PLAGL1: variants seen among roughly 807,000 people sequenced by gnomAD.
PLAGL1 encodes zinc finger protein PLAGL1.
In PLAGL1, 1 loss-of-function variant was observed where a neutral mutation model predicts 4.6. That is an observed-to-expected ratio of 0.22 (90% CI 0.08 to 1.03). The LOEUF is 1.03. PLAGL1 is among the 50% of genes least tolerant of loss of function. The pLI, the probability that PLAGL1 is intolerant of heterozygous loss-of-function variation, is 0.58. For missense variants in PLAGL1, 464 were observed against 570.4 expected, an observed-to-expected ratio of 0.81 and a Z score of 1.90; for synonymous variants, 240 against 237.8, an observed-to-expected ratio of 1.01 and a Z score of -0.08.
intron 1 of PLAGL1, among the ~76,000 whole-genome samples, chr6:143,998,652 G>A (rs1225749045): frequency 3.3e-5 from 5 of 152,120 alleles, no homozygotes; most frequent in East Asian, 1.9e-4. Flanking sequence ...GATTGGTGAC[G>A]AAAGGTAAGA....
rs565259190 is a variant in PLAGL1, at chr6:144,053,316, G to A, written c.-151+11152C>T. Among the ~76,000 whole-genome samples, 16 of 152,274 alleles carry A rather than the reference G, an allele frequency of 1.1e-4. No homozygotes were observed. The South Asian group carries it at 3.1e-3, about 30-fold the overall frequency. On this transcript the variant is annotated intron_variant, in intron 1 of 3. Transcript: ENST00000437412. This position sits in a 1 kb window ranked among gnomAD's most constrained non-coding sequence, Gnocchi z 4.0. The stretch of plus-strand genomic sequence containing the variant: ...TGCCGAGCTAATTTTTGTATTTTTA[G>A]TGGAGACAGGGTTTCACCATGTTAG...
Position 144,053,045 on chromosome 6 carries a change from T to G in PLAGL1, c.-151+11423A>C, listed in dbSNP as rs1798693436. ...TTAGCACCAATACTTGTAAATGCTT[T>G]GATAAACAAGGATGAAATTATTTAT... On this transcript the variant is annotated intron_variant, in intron 1 of 3. Coordinates refer to the PLAGL1 transcript ENST00000437412. This position sits in a 1 kb window ranked among gnomAD's most constrained non-coding sequence, Gnocchi z 4.0. Among the ~76,000 whole-genome samples, 1 of 152,236 alleles carries G rather than the reference T, an allele frequency of 6.6e-6. No homozygotes were observed. Among genetic ancestry groups the G allele is most frequent in the African/African-American group, 2.4e-5 (1 of 41,464 alleles).
chr6:143,953,091 C>G lies in PLAGL1; in HGVS notation c.-324-4631G>C, dbSNP rs17073256. Among the ~76,000 whole-genome samples, 1,451 of 152,312 alleles carry G rather than the reference C, an allele frequency of 9.5e-3. 18 individuals are homozygous for G. Among genetic ancestry groups the G allele is most frequent in the African/African-American group, 0.033 (1,374 of 41,560 alleles). On this transcript the variant is annotated intron_variant, in intron 6 of 7. Coordinates refer to ENST00000674357, the MANE Select transcript of PLAGL1 (RefSeq NM_001317162.2). This position sits in a 1 kb window ranked among gnomAD's most constrained non-coding sequence, Gnocchi z 5.3. ...CTGGCTTTCTCCCTCCTGGAATGTC[C>G]TGGGAACCCTTGTCTACCTGGCAAA...
chr6:143,942,040 T>A lies in PLAGL1; in HGVS notation c.776A>T (p.Glu259Val). 1 of 1,606,614 alleles carries A rather than the reference T, an allele frequency of 6.2e-7. No individual in the cohort carries two copies. Among genetic ancestry groups the A allele is most frequent in the Non-Finnish European group, 8.5e-7 (1 of 1,176,278 alleles). ...QNGLASSLPAEVHSLTLSPPE... is the reference protein window; with the variant it reads ...QNGLASSLPAVVHSLTLSPPE... The stretch of plus-strand genomic sequence containing the variant: ...GGGACTGAGGGTGAGGCTATGGACC[T>A]CAGCTGGCAAGCTACTTGCAAGCCC... The change falls in exon 8 of 8, where the codon GAG becomes GTG. Residue 259 changes from glutamate to valine, a missense_variant. By Grantham distance (121) the Glu-to-Val change is moderately radical. This residue lies in a region of PLAGL1 where 248 missense variants were observed against 250.1 expected (regional missense o/e 0.99). Transcript: ENST00000674357. The surrounding 1 kb of genome is among the most constrained non-coding windows in gnomAD (Gnocchi z 7.6).
At chr6:144,029,198 A>T (rs1796607157) in intron 1 of PLAGL1, among the ~76,000 whole-genome samples, 1 of 152,248 alleles carries the variant, frequency 6.6e-6, no homozygotes, top group African/African-American at 2.4e-5. Flanking sequence ...ACATCTTTAC[A>T]TATAAATCTT....
Position 143,973,364 on chromosome 6 carries a change from C to T in PLAGL1, c.-543-4386G>A, listed in dbSNP as rs145504849. On this transcript the variant is annotated intron_variant, in intron 2 of 7. Transcript: ENST00000674357. This position sits in a 1 kb window ranked among gnomAD's most constrained non-coding sequence, Gnocchi z 6.2. ...CCTCATGGTTTAATTCAAATTCATC[C>T]GTTTCCTACATTCCAGTGACAGTTC... Among the ~76,000 whole-genome samples, 3 of 152,284 alleles carry T rather than the reference C, an allele frequency of 2.0e-5. No individual in the cohort carries two copies. Among genetic ancestry groups the T allele is most frequent in the East Asian group, 3.9e-4 (2 of 5,178 alleles).
rs1251845496 is a variant in PLAGL1 at position 144,055,624 on chromosome 6, C to T, written c.-151+8844G>A. Reference sequence around the variant, plus strand: ...CTGGTCCATCTCTGCTCTGCCCCAACCCTGACCTTCACTTTCATCCTTAGC... The same window carrying T: ...CTGGTCCATCTCTGCTCTGCCCCAATCCTGACCTTCACTTTCATCCTTAGC... On this transcript the variant is annotated intron_variant, in intron 1 of 3. Coordinates refer to the PLAGL1 transcript ENST00000437412. The surrounding 1 kb of genome is among the most constrained non-coding windows in gnomAD (Gnocchi z 5.0). Among the ~76,000 whole-genome samples, 1 of 152,162 alleles carries T rather than the reference C, an allele frequency of 6.6e-6. No individual in the cohort carries two copies. Among genetic ancestry groups the T allele is most frequent in the Admixed American group, 6.5e-5 (1 of 15,272 alleles).
At position 143,982,162 on chromosome 6, in the gene PLAGL1, TA is replaced by T. The variant is rs907817854; in HGVS notation, c.-544+2972del. On this transcript the variant is annotated intron_variant, in intron 2 of 7. Transcript: ENST00000674357. This position sits in a 1 kb window ranked among gnomAD's most constrained non-coding sequence, Gnocchi z 5.3. ...TAAAATATGTATCAGATGGTGATTTTAAAAAAAAAAGTAATGAAGAGACAGG... is the reference window on the plus strand; with the variant it reads ...TAAAATATGTATCAGATGGTGATTTTAAAAAAAAAGTAATGAAGAGACAGG... Among the ~76,000 whole-genome samples, 241 of 149,104 alleles carry T rather than the reference TA, an allele frequency of 1.6e-3. 1 individual carries two copies. Among genetic ancestry groups the T allele is most frequent in the African/African-American group, 5.1e-3 (209 of 40,732 alleles).
In PLAGL1 at chr6:143,952,190, G is replaced by A. The variant is rs1156905760; in HGVS notation, c.-324-3730C>T. On this transcript the variant is annotated intron_variant, in intron 6 of 7. Transcript: ENST00000674357. The surrounding 1 kb of genome is among the most constrained non-coding windows in gnomAD (Gnocchi z 6.1). The stretch of plus-strand genomic sequence containing the variant: ...TTGATCAGTTCAAAGGCTGTTTACT[G>A]ATGAGTCCAATCTTTGGTTGAAACC... Among the ~76,000 whole-genome samples the A allele has an allele frequency of 6.6e-6, 1 of 152,162 alleles. No homozygotes were observed. Among genetic ancestry groups the A allele is most frequent in the East Asian group, 1.9e-4 (1 of 5,196 alleles).
At position 144,055,790 on chromosome 6, in the gene PLAGL1, C is replaced by A. The variant is rs930106097; in HGVS notation, c.-151+8678G>T. 1.3e-5 allele frequency among the ~76,000 whole-genome samples: 2 copies of A among 152,178 alleles called. No homozygotes were observed. The highest frequency in any genetic ancestry group is 4.8e-5 in the African/African-American group (2 of 41,436). ...ATTTACATTATTAACGATAACAAGT[C>A]CTGGAAGAAAGAACCTCATCCCCAT... On this transcript the variant is annotated intron_variant, in intron 1 of 3. Coordinates refer to the PLAGL1 transcript ENST00000437412. This position sits in a 1 kb window ranked among gnomAD's most constrained non-coding sequence, Gnocchi z 5.0.
chr6:143,975,361 T>G lies in PLAGL1; in HGVS notation c.-543-6383A>C, dbSNP rs1786278854. Among the ~76,000 whole-genome samples, 1 of 152,204 alleles carries G rather than the reference T, an allele frequency of 6.6e-6. No individual in the cohort carries two copies. Among genetic ancestry groups the G allele is most frequent in the South Asian group, 2.1e-4 (1 of 4,832 alleles). On this transcript the variant is annotated intron_variant, in intron 2 of 7. Transcript: ENST00000674357. The surrounding 1 kb of genome is among the most constrained non-coding windows in gnomAD (Gnocchi z 5.8). ...ATTTTAGTGTCACTTTGTAATAATT[T>G]TATAAATTAAGCAATTAACAATATT... is the stretch of plus-strand genomic sequence containing the variant.
At chr6:144,017,156 T>C (rs926518216) in intron 1 of PLAGL1, among the ~76,000 whole-genome samples, 3 of 152,240 alleles carry the variant, frequency 2.0e-5, no homozygotes, top group African/African-American at 7.2e-5. Flanking sequence ...TAATTTTCTC[T>C]AATCACAATA....
intron 1 of PLAGL1, among the ~76,000 whole-genome samples, chr6:143,996,104 C>T (rs1358164852): frequency 6.6e-6 from 1 of 152,192 alleles, no homozygotes; most frequent in African/African-American, 2.4e-5. Context: ...GTCTCATTTT[C>T]TCTGAACTGT....
rs557316170 is a variant in PLAGL1, at chr6:143,983,475, G to A, written c.-544+1660C>T. Among the ~76,000 whole-genome samples the A allele has an allele frequency of 3.2e-4, 48 of 152,290 alleles. 1 individual carries two copies. The South Asian group carries it at 6.8e-3, about 22-fold the overall frequency. ...ACTGTAGCTATATCCTTGAGCAGGT[G>A]AGAGGAGATGGGACTAAGAATATAA... On this transcript the variant is annotated intron_variant, in intron 2 of 7. Transcript: ENST00000674357. The surrounding 1 kb of genome is among the most constrained non-coding windows in gnomAD (Gnocchi z 6.6).
At position 143,968,014 on chromosome 6, in the gene PLAGL1, A is replaced by AAAC. The variant is rs1195831915; in HGVS notation, c.-472+892_-472+893insGTT. ...ACATTTTGCAAAAAAAAAAAAAAAA[A>AAAC]AAAACAGTCTGGAGAGAGGCCAAGA... is the stretch of plus-strand genomic sequence containing the variant. On this transcript the variant is annotated intron_variant, in intron 3 of 7. Transcript: ENST00000674357. This position sits in a 1 kb window ranked among gnomAD's most constrained non-coding sequence, Gnocchi z 6.3. The AAAC allele has an allele frequency of 2.0e-5, 3 of 151,498 alleles. No homozygotes were observed. Among genetic ancestry groups the AAAC allele is most frequent in the East Asian group, 3.9e-4 (2 of 5,188 alleles). The allele number at this position is 151,498 out of a possible 1,614,324, so 9.4% of individuals were successfully genotyped here. A position where few individuals can be genotyped will look rare whatever the true frequency, so the allele number is the denominator to read the frequency against.
chr6:144,036,693 G>T lies in PLAGL1; in HGVS notation c.-151+27775C>A, dbSNP rs867979514. 17 of 261,764 alleles carry T rather than the reference G, an allele frequency of 6.5e-5. No individual in the cohort carries two copies. The highest frequency in any genetic ancestry group is 2.9e-3 in the Middle Eastern group (2 of 700). 16.2% of individuals were successfully genotyped at this position (261,764 alleles called of 1,614,324 possible). A position where few individuals can be genotyped will look rare whatever the true frequency, so the allele number is the denominator to read the frequency against. ...TGAGGCTTCTTCACTACTCAGGGAC[G>T]AAAGAAAGAGGAAAGAATGGAAAAA... is the stretch of plus-strand genomic sequence containing the variant. On this transcript the variant is annotated intron_variant, in intron 1 of 3. Coordinates refer to the PLAGL1 transcript ENST00000437412. The surrounding 1 kb of genome is among the most constrained non-coding windows in gnomAD (Gnocchi z 5.1).
chr6:144,061,843 C>T lies in PLAGL1; in HGVS notation c.-151+2625G>A, dbSNP rs1452918892. On this transcript the variant is annotated intron_variant, in intron 1 of 3. Coordinates refer to the PLAGL1 transcript ENST00000437412. The surrounding 1 kb of genome is among the most constrained non-coding windows in gnomAD (Gnocchi z 4.4). Reference sequence around the variant, plus strand: ...TTCCTCTTACGATTTTCCTTTTGTGCACTTCTCCTCTGTTGTCATTCCAAC... The same window carrying T: ...TTCCTCTTACGATTTTCCTTTTGTGTACTTCTCCTCTGTTGTCATTCCAAC... 6.6e-6 allele frequency among the ~76,000 whole-genome samples: 1 copy of T among 152,114 alleles called. No individual in the cohort carries two copies. Among genetic ancestry groups the T allele is most frequent in the Admixed American group, 6.5e-5 (1 of 15,268 alleles).
intron 7 of PLAGL1, among the ~76,000 whole-genome samples, chr6:143,944,997 G>GCA (rs1160151193): frequency 6.6e-5 from 10 of 152,080 alleles, no homozygotes; most frequent in Admixed American, 6.5e-4. Context: ...TGTAAGTGGG[G>GCA]CACAGTCTGA....
chr6:143,974,819 C>G (rs1055924561), intron 2 of PLAGL1, among the ~76,000 whole-genome samples: 1 of 152,114 alleles, frequency 6.6e-6, no homozygotes, highest in African/African-American at 2.4e-5. Flanking sequence ...TAATGATCAC[C>G]CTGTAACTCA....
Sources: allele counts gnomAD v4.1 joint callset (sites outside exome capture counted in the v4.1 genomes callset), GRCh38; gene constraint gnomAD v4.1.1; regional missense constraint gnomAD v4.1.1; non-coding constraint Gnocchi (gnomAD v3.1); transcripts MANE v1.5; gene names NCBI Gene and HGNC (gene_info 2026-07-23, HGNC 2026-07-21).